The following ZBTB20 variants were observed in gnomAD, a reference collection of about 807,000 sequenced individuals.
ZBTB20 encodes zinc finger and BTB domain-containing protein 20.
ZBTB20 carries 9 observed loss-of-function variants against 56.9 expected under a neutral mutation model. The ratio of observed to expected loss-of-function variants is 0.16; its 90% CI spans 0.10 to 0.28. The LOEUF (loss-of-function observed/expected upper bound fraction) is 0.28. Ranked by LOEUF, ZBTB20 falls within the 10% of genes least tolerant of loss-of-function variation. The pLI is 1.00. For synonymous variants in ZBTB20, 417 were observed against 420.7 expected, an observed-to-expected ratio of 0.99 and a Z score of 0.11; for missense variants, 655 against 1,003.0, an observed-to-expected ratio of 0.65 and a Z score of 4.69.
At chr3:114,884,478 A>G (rs1270210223) in intron 4 of ZBTB20, among the ~76,000 whole-genome samples, 1 of 152,220 alleles carries the variant, frequency 6.6e-6, no homozygotes. Flanking sequence ...CTGGTATAAC[A>G]TCGAGCAATG....
At chr3:115,105,681 C>T (rs1458513447) in intron 1 of ZBTB20, among the ~76,000 whole-genome samples, 1 of 151,998 alleles carries the variant, frequency 6.6e-6, no homozygotes, top group Non-Finnish European at 1.5e-5. Flanking sequence ...GTTCAAGATT[C>T]AAATATCTAA....
intron 7 of ZBTB20, chr3:114,454,807 C>G (rs1328857208): frequency 6.6e-6 from 1 of 151,964 alleles, no homozygotes; most frequent in African/African-American, 2.4e-5. Flanking sequence ...CTGTCTGTGT[C>G]TCTTCTGAGT....
At chr3:114,729,914 C>T (rs139062480) in intron 5 of ZBTB20, among the ~76,000 whole-genome samples, 32 of 151,790 alleles carry the variant, frequency 2.1e-4, no homozygotes, top group African/African-American at 7.7e-4. Flanking sequence ...AACAATCCTC[C>T]CATCTTAGCC....
intron 6 of ZBTB20, among the ~76,000 whole-genome samples, chr3:114,655,543 C>T (rs1009037851): frequency 5.3e-5 from 8 of 152,142 alleles, no homozygotes; most frequent in Non-Finnish European, 7.4e-5. Context: ...TGAGCCACCG[C>T]GCCCGGCCTT....
At position 114,988,091 on chromosome 3, in the gene ZBTB20, C is replaced by CT. The variant is rs543706041; in HGVS notation, c.-506-13676dup. On this transcript the variant is annotated intron_variant, in intron 2 of 11. Transcript: ENST00000675478. The stretch of plus-strand genomic sequence containing the variant: ...CATTGCAAGTGATGGTATCCAGTTT[C>CT]TTTTTTTTTTTTTTTTTAATTATGC... Among the ~76,000 whole-genome samples the CT allele has an allele frequency of 2.4e-3, 285 of 118,816 alleles. 2 individuals are homozygous for CT. The highest frequency in any genetic ancestry group is 2.6e-3 in the East Asian group (10 of 3,808). The allele number at this position is 118,816 out of a possible 152,430, so 77.9% of individuals were successfully genotyped here.
chr3:114,726,141 T>C (rs376819110), intron 5 of ZBTB20, among the ~76,000 whole-genome samples: 1 of 152,092 alleles, frequency 6.6e-6, no homozygotes, highest in East Asian at 1.9e-4. Flanking sequence ...GCATGACTGG[T>C]AAGGGTTTTG....
chr3:114,647,630 G>C (rs998843696), intron 6 of ZBTB20, among the ~76,000 whole-genome samples: 3 of 152,128 alleles, frequency 2.0e-5, no homozygotes, highest in African/African-American at 7.2e-5. Flanking sequence ...GAATACATTA[G>C]CCAACCTCTT....
chr3:114,966,563 G>A (rs138408641), intron 3 of ZBTB20, among the ~76,000 whole-genome samples: 65 of 152,086 alleles, frequency 4.3e-4, no homozygotes, highest in African/African-American at 1.4e-3. Flanking sequence ...TTATCGGTGT[G>A]TAGGCTTAAA....
chr3:115,096,182 T>C (rs557457293), intron 1 of ZBTB20, among the ~76,000 whole-genome samples: 4 of 152,354 alleles, frequency 2.6e-5, no homozygotes, highest in Middle Eastern at 3.4e-3. Flanking sequence ...AATTTAATGA[T>C]AACTCTGGCA....
At chr3:114,393,914 T>C (rs1284688394) in intron 7 of ZBTB20, among the ~76,000 whole-genome samples, 3 of 152,198 alleles carry the variant, frequency 2.0e-5, no homozygotes, top group African/African-American at 7.2e-5. Context: ...CAGATCTGTC[T>C]TGGAAGCCCT....
At chr3:114,958,827 GC>G (rs1221237457) in intron 3 of ZBTB20, among the ~76,000 whole-genome samples, 2 of 150,942 alleles carry the variant, frequency 1.3e-5, no homozygotes, top group Non-Finnish European at 2.9e-5. Context: ...CTCCAGCCTG[GC>G]CAATAGAGTG....
At chr3:114,770,121 G>A (rs1355469339) in intron 5 of ZBTB20, among the ~76,000 whole-genome samples, 3 of 151,468 alleles carry the variant, frequency 2.0e-5, no homozygotes, top group African/African-American at 7.3e-5. Context: ...AAAGGGGCGA[G>A]GGATAGAAGA....
chr3:114,815,374 G>A (rs760189977), intron 4 of ZBTB20, among the ~76,000 whole-genome samples: 1 of 152,084 alleles, frequency 6.6e-6, no homozygotes, highest in African/African-American at 2.4e-5. Context: ...TATGAGGAAA[G>A]ATTACGAGCA....
intron 3 of ZBTB20, among the ~76,000 whole-genome samples, chr3:114,963,716 A>G (rs781740003): frequency 4.6e-5 from 7 of 152,166 alleles, no homozygotes; most frequent in Non-Finnish European, 7.3e-5. Flanking sequence ...CATTCCAAGT[A>G]CTATAATTGA....
At chr3:114,642,962 A>T (rs1360060611) in intron 6 of ZBTB20, among the ~76,000 whole-genome samples, 1 of 152,116 alleles carries the variant, frequency 6.6e-6, no homozygotes, top group African/African-American at 2.4e-5. Context: ...ACTTGACCCG[A>T]TATATCAAAA....
chr3:114,550,534 C>T (rs1212849589), intron 6 of ZBTB20, among the ~76,000 whole-genome samples: 1 of 152,136 alleles, frequency 6.6e-6, no homozygotes, highest in Non-Finnish European at 1.5e-5. Flanking sequence ...ATGAAGGAAG[C>T]CTTGAAGATG....
At chr3:114,928,796 G>GC (rs2076251600) in intron 3 of ZBTB20, among the ~76,000 whole-genome samples, 1 of 152,190 alleles carries the variant, frequency 6.6e-6, no homozygotes, top group African/African-American at 2.4e-5. Context: ...AAAAGATGCT[G>GC]CAATACTGTT....
chr3:114,374,135 A>G (rs1407107565), intron 10 of ZBTB20, among the ~76,000 whole-genome samples: 2 of 152,262 alleles, frequency 1.3e-5, no homozygotes, highest in Admixed American at 1.3e-4. Context: ...AAGAGATTAT[A>G]TATCAATTAA....
At chr3:114,795,380 T>C (rs1354160626) in intron 5 of ZBTB20, among the ~76,000 whole-genome samples, 1 of 152,128 alleles carries the variant, frequency 6.6e-6, no homozygotes, top group Non-Finnish European at 1.5e-5. Flanking sequence ...TTCCTCACTC[T>C]GGCATTTCTC....
Sources: gnomAD v4.1 joint callset for allele counts (sites outside exome capture counted in the v4.1 genomes callset) on GRCh38, gnomAD v4.1.1 for gene constraint, MANE v1.5 for transcripts, NCBI Gene and HGNC (gene_info 2026-07-23, HGNC 2026-07-21) for gene names.